PIK3CD: variants seen among roughly 807,000 people sequenced by gnomAD.
PIK3CD encodes phosphatidylinositol 4,5-bisphosphate 3-kinase catalytic subunit delta isoform.
In PIK3CD, 20 loss-of-function variants were observed where a neutral mutation model predicts 122.9. The ratio of observed to expected loss-of-function variants is 0.16; its 90% CI spans 0.11 to 0.24. The LOEUF is 0.24. PIK3CD is among the 10% of genes least tolerant of loss of function. The pLI is 1.00. For synonymous variants in PIK3CD, 596 were observed against 593.4 expected, an observed-to-expected ratio of 1.00 and a Z score of -0.06; for missense variants, 787 against 1,406.3, an observed-to-expected ratio of 0.56 and a Z score of 7.04.
upstream of PIK3CD, among the ~76,000 whole-genome samples, chr1:9,650,459 C>T (rs371229538): frequency 1.3e-5 from 2 of 151,050 alleles, no homozygotes; most frequent in African/African-American, 4.9e-5. Context: ...AAAAAACAAA[C>T]AAAAAAACAT....
At chr1:9,651,180 A>G (rs1644664758), upstream of PIK3CD, among the ~76,000 whole-genome samples, 1 of 152,158 alleles carries the variant, frequency 6.6e-6, no homozygotes, top group African/African-American at 2.4e-5. Context: ...TCATTTTACA[A>G]AAGGACAGCT....
At chr1:9,667,054 G>C (rs1475902140) in intron 1 of PIK3CD, among the ~76,000 whole-genome samples, 2 of 152,114 alleles carry the variant, frequency 1.3e-5, no homozygotes, top group African/African-American at 4.8e-5. Context: ...AGTAGATACG[G>C]GGTTTCACCA....
intron 2 of PIK3CD, among the ~76,000 whole-genome samples, chr1:9,695,616 G>A (rs1371363910): frequency 6.6e-6 from 1 of 152,130 alleles, no homozygotes. Context: ...GGCCGAGGCG[G>A]GCAGATCACT....
intron 2 of PIK3CD, 70 bp downstream of exon 2, chr1:9,691,641 A>G: frequency 2.5e-6 from 1 of 397,906 alleles, no homozygotes; most frequent in East Asian, 3.6e-5. Context: ...ATAGGTTAAG[A>G]ATGTGAACAA....
At chr1:9,653,185 C>G (rs907508530) in intron 1 of PIK3CD, 1 of 153,300 alleles carries the variant, frequency 6.5e-6, no homozygotes. Context: ...ACTTTGAAAC[C>G]AAGGGCTAAC....
the PIK3CD span, among the ~76,000 whole-genome samples, chr1:9,641,419 T>A: frequency 1.3e-5 from 2 of 152,180 alleles, no homozygotes; most frequent in African/African-American, 4.8e-5. Context: ...TACATTATTG[T>A]TCCCTTGTGC....
chr1:9,657,591 C>T (rs1278415285), intron 1 of PIK3CD, among the ~76,000 whole-genome samples: 1 of 152,030 alleles, frequency 6.6e-6, no homozygotes, highest in Non-Finnish European at 1.5e-5. Flanking sequence ...GTCCCAGGAG[C>T]AGAAAACTTC....
At position 9,712,428 on chromosome 1, in the gene PIK3CD, G is replaced by A. The variant is rs573378335; in HGVS notation, c.141+1832G>A. On this transcript the variant is annotated intron_variant, in intron 3 of 23. Transcript: ENST00000377346. ...CCCAAGTAGCTGGGACTACAGGCACGTGCCACCACGCCCGGCTAATTTTTG... is the reference window on the plus strand; with the variant it reads ...CCCAAGTAGCTGGGACTACAGGCACATGCCACCACGCCCGGCTAATTTTTG... Among the ~76,000 whole-genome samples, 11 of 151,440 alleles carry A rather than the reference G, an allele frequency of 7.3e-5. No individual in the cohort carries two copies. The East Asian group carries it at 9.8e-4, about 14-fold the overall frequency.
chr1:9,655,289 T>C (rs867141560), intron 1 of PIK3CD, among the ~76,000 whole-genome samples: 2 of 151,986 alleles, frequency 1.3e-5, no homozygotes, highest in African/African-American at 2.4e-5. Flanking sequence ...GGTGACAGTG[T>C]TTCATAAATA....
At chr1:9,707,000 A>G (rs1231079597) in intron 2 of PIK3CD, among the ~76,000 whole-genome samples, 1 of 145,424 alleles carries the variant, frequency 6.9e-6, no homozygotes, top group Non-Finnish European at 1.5e-5. Context: ...TTTTGTAGAG[A>G]TGGGCTCTCA....
rs2100988211 is a variant in PIK3CD at position 9,723,020 on chromosome 1, C to T, written c.2427-105C>T. 1.1e-5 allele frequency: 12 copies of T among 1,123,034 alleles called. No homozygotes were observed. Among genetic ancestry groups the T allele is most frequent in the Admixed American group, 1.7e-5 (1 of 59,388 alleles). The allele number at this position is 1,123,034 out of a possible 1,614,324, so 69.6% of individuals were successfully genotyped here. Reference sequence around the variant, plus strand: ...TGCTTTTTAGCAATGTGGGCAGCAGCATCTTCTGTGGCTTTTTGGGGCACC... The same window carrying T: ...TGCTTTTTAGCAATGTGGGCAGCAGTATCTTCTGTGGCTTTTTGGGGCACC... On this transcript the variant is annotated intron_variant, in intron 19 of 23. Transcript: ENST00000377346. The surrounding 1 kb of genome is among the most constrained non-coding windows in gnomAD (Gnocchi z 4.9).
chr1:9,655,721 G>A (rs868625165), intron 1 of PIK3CD, among the ~76,000 whole-genome samples: 28 of 128,694 alleles, frequency 2.2e-4, no homozygotes, highest in African/African-American at 5.2e-4. Context: ...TTTTTGAGAC[G>A]GAGTCTCGCT....
At chr1:9,726,323 A>G (rs1009111601) in intron 23 of PIK3CD, among the ~76,000 whole-genome samples, 7 of 151,972 alleles carry the variant, frequency 4.6e-5, no homozygotes, top group Non-Finnish European at 8.8e-5. Flanking sequence ...CCTGGCTAAC[A>G]CGGTGAAACC....
chr1:9,691,992 A>G (rs1403300628), intron 2 of PIK3CD: 1 of 153,910 alleles, frequency 6.5e-6, no homozygotes, highest in East Asian at 1.9e-4. Context: ...AGGAGTCCCT[A>G]GGTGGGGCCG....
chr1:9,677,714 C>T (rs1171499204), intron 1 of PIK3CD, among the ~76,000 whole-genome samples: 11 of 151,134 alleles, frequency 7.3e-5, no homozygotes, highest in African/African-American at 4.9e-5. Context: ...TCTTCCAGAT[C>T]GTGCATGCGG....
chr1:9,719,660 C>CAAAA lies in PIK3CD; in HGVS notation c.1243-250_1243-247dup, dbSNP rs34093717. 7.9e-6 allele frequency among the ~76,000 whole-genome samples: 1 copy of CAAAA among 126,870 alleles called. No individual in the cohort carries two copies. 83.2% of individuals were successfully genotyped at this position (126,870 alleles called of 152,430 possible). A position where few individuals can be genotyped will look rare whatever the true frequency, so the allele number is the denominator to read the frequency against. ...TGGGTGACAGAGCAAGACTCCGTCT[C>CAAAA]AAAAAAAAAAAAAAGCCTGAGTAGG... On this transcript the variant is annotated intron_variant, in intron 9 of 23. Transcript: ENST00000377346. This position sits in a 1 kb window ranked among gnomAD's most constrained non-coding sequence, Gnocchi z 5.5.
intron 14 of PIK3CD, 74 bp from the exon 15 acceptor site, chr1:9,721,370 C>T: frequency 6.2e-7 from 1 of 1,608,732 alleles, no homozygotes; most frequent in Non-Finnish European, 8.5e-7. Flanking sequence ...CCTGGCCTCC[C>T]TCTGGCTGCC....
the PIK3CD span, among the ~76,000 whole-genome samples, chr1:9,631,959 T>A: frequency 4.0e-5 from 6 of 151,692 alleles, no homozygotes; most frequent in Admixed American, 6.6e-5. Flanking sequence ...CTGATATCCA[T>A]CCTTCTTCCC....
Position 9,719,829 on chromosome 1 carries a change from G to A in PIK3CD, c.1243-92G>A, listed in dbSNP as rs1041300560. Reference sequence around the variant, plus strand: ...GTTGGGAGATGTTAGCTGGGCTCTGGGTCTTCTCGGGTGGGGTGCCTGGGG... The same window carrying A: ...GTTGGGAGATGTTAGCTGGGCTCTGAGTCTTCTCGGGTGGGGTGCCTGGGG... On this transcript the variant is annotated intron_variant, in intron 9 of 23. Coordinates refer to ENST00000377346, the MANE Select transcript of PIK3CD (RefSeq NM_005026.5). The surrounding 1 kb of genome is among the most constrained non-coding windows in gnomAD (Gnocchi z 5.5). 42 of 1,000,200 alleles carry A rather than the reference G, an allele frequency of 4.2e-5. No homozygotes were observed. The Admixed American group carries it at 6.6e-4, about 16-fold the overall frequency. 62.0% of individuals were successfully genotyped at this position (1,000,200 alleles called of 1,614,324 possible).
Sources: allele counts gnomAD v4.1 joint callset (sites outside exome capture counted in the v4.1 genomes callset), GRCh38; gene constraint gnomAD v4.1.1; non-coding constraint Gnocchi (gnomAD v3.1); transcripts MANE v1.5; gene names NCBI Gene and HGNC (gene_info 2026-07-23, HGNC 2026-07-21).